Variants in CACNB2 observed in about 807,000 individuals in gnomAD.
CACNB2 encodes calcium voltage-gated channel auxiliary subunit beta 2.
Under a neutral mutation model 73.3 loss-of-function variants are expected in CACNB2, and 42 were observed. That is an observed-to-expected ratio of 0.57 (90% CI 0.45 to 0.74). CACNB2 has a LOEUF of 0.74. CACNB2 is among the 30% of genes least tolerant of loss of function. The pLI is 0.00. For missense variants in CACNB2, 940 were observed against 853.0 expected (o/e 1.10, Z -1.27); for synonymous variants, 348 against 310.3 (o/e 1.12, Z -1.28).
chr10:18,302,443 A>G (rs1444376239), intron 2 of CACNB2, among the ~76,000 whole-genome samples: 3 of 152,198 alleles, frequency 2.0e-5, no homozygotes, highest in African/African-American at 7.2e-5. Context: ...TGTGGAACCA[A>G]CCCAAATGCC....
chr10:18,235,716 G>T (rs1338623750), intron 2 of CACNB2, among the ~76,000 whole-genome samples: 1 of 152,124 alleles, frequency 6.6e-6, no homozygotes, highest in Non-Finnish European at 1.5e-5. Context: ...CCTCAGAGCT[G>T]CCCTAGAGCT....
intron 2 of CACNB2, among the ~76,000 whole-genome samples, chr10:18,283,100 T>C (rs1431489257): frequency 6.6e-6 from 1 of 152,084 alleles, no homozygotes; most frequent in Non-Finnish European, 1.5e-5. Flanking sequence ...TCAGAGAAAT[T>C]CAAATCAAAA....
intron 2 of CACNB2, among the ~76,000 whole-genome samples, chr10:18,398,369 G>A (rs903591470): frequency 2.0e-4 from 31 of 151,958 alleles, no homozygotes; most frequent in Non-Finnish European, 4.3e-4. Flanking sequence ...CTTCTATAAC[G>A]AAAAATATTT....
At chr10:18,174,038 G>T (rs991935385) in intron 2 of CACNB2, among the ~76,000 whole-genome samples, 2 of 152,096 alleles carry the variant, frequency 1.3e-5, no homozygotes, top group East Asian at 3.9e-4. Context: ...TCTGTAAGAG[G>T]TAATAGAAAC....
At chr10:18,270,715 C>T (rs867376099) in intron 2 of CACNB2, among the ~76,000 whole-genome samples, 4 of 152,106 alleles carry the variant, frequency 2.6e-5, no homozygotes, top group African/African-American at 9.7e-5. Context: ...TCCCTGGTCT[C>T]GGTTAGGTAT....
intron 3 of CACNB2, among the ~76,000 whole-genome samples, chr10:18,415,263 G>C (rs1034176048): frequency 6.6e-6 from 1 of 152,122 alleles, no homozygotes; most frequent in African/African-American, 2.4e-5. Context: ...CCAGGAGTTT[G>C]AGATCAGCTT....
intron 3 of CACNB2, among the ~76,000 whole-genome samples, chr10:18,413,919 G>A (rs1472121664): frequency 6.6e-6 from 1 of 152,260 alleles, no homozygotes; most frequent in Non-Finnish European, 1.5e-5. Context: ...CCGTGGAGCA[G>A]TTCAGGGTGT....
At chr10:18,427,728 C>T (rs1286806635) in intron 3 of CACNB2, among the ~76,000 whole-genome samples, 1 of 152,072 alleles carries the variant, frequency 6.6e-6, no homozygotes, top group East Asian at 1.9e-4. Context: ...AGTTCTTTTT[C>T]TATCTCATCT....
intron 2 of CACNB2, among the ~76,000 whole-genome samples, chr10:18,356,946 T>TTTTTTC (rs2041939698): frequency 1.1e-5 from 1 of 88,316 alleles, no homozygotes; most frequent in South Asian, 3.9e-4. Flanking sequence ...CAATTTCTTT[T>TTTTTTC]TTTTTTTTTT....
At chr10:18,157,779 C>A (rs1000965785) in intron 2 of CACNB2, among the ~76,000 whole-genome samples, 1 of 152,172 alleles carries the variant, frequency 6.6e-6, no homozygotes, top group African/African-American at 2.4e-5. Flanking sequence ...CAATTTCATT[C>A]TTTCATCTAA....
intron 2 of CACNB2, among the ~76,000 whole-genome samples, chr10:18,381,556 C>T (rs1673443387): frequency 6.6e-6 from 1 of 151,826 alleles, no homozygotes; most frequent in Non-Finnish European, 1.5e-5. Flanking sequence ...GGCGTGATGG[C>T]GTGCACCTGT....
chr10:18,285,546 C>T (rs193173977), intron 2 of CACNB2, among the ~76,000 whole-genome samples: 7 of 152,334 alleles, frequency 4.6e-5, no homozygotes, highest in Admixed American at 2.0e-4. Context: ...AGCTATCTGA[C>T]TGTTACCATG....
chr10:18,389,300 CTCATTTTTAAA>C (rs2043364842), intron 2 of CACNB2, among the ~76,000 whole-genome samples: 1 of 152,120 alleles, frequency 6.6e-6, no homozygotes, highest in Non-Finnish European at 1.5e-5. Context: ...CCATGCCTGG[CTCATTTTTAAA>C]ATGTTTTTGT....
Position 18,534,184 on chromosome 10 carries a change from C to T in CACNB2, c.1163C>T (p.Ser388Phe), listed in dbSNP as rs768917059. The change falls in exon 11 of 14, where the codon TCC (serine) becomes TTC (phenylalanine). Residue 388 changes from serine to phenylalanine, a missense_variant. Ser to Phe is a radical substitution (Grantham distance 155). Transcript: ENST00000324631. ...CATCCAGCTCAACTCAGTAAAACCT[C>T]CTTGGCCCCTATTATAGTATATGTA... ...INHPAQLSKT[S>F]LAPIIVYVKI... 2 of 1,613,640 alleles carry T rather than the reference C, an allele frequency of 1.2e-6. No homozygotes were observed. Among genetic ancestry groups the T allele is most frequent in the Non-Finnish European group, 1.7e-6 (2 of 1,179,560 alleles).
chr10:18,432,835 A>AAAACAAACAAAC (rs71402166), intron 3 of CACNB2, among the ~76,000 whole-genome samples: 20 of 150,908 alleles, frequency 1.3e-4, no homozygotes, highest in Admixed American at 4.0e-4. Flanking sequence ...CCTGTCTAAA[A>AAAACAAACAAAC]AAACAAACAA....
intron 2 of CACNB2, among the ~76,000 whole-genome samples, chr10:18,242,114 T>A (rs1450024657): frequency 9.9e-5 from 15 of 151,716 alleles, no homozygotes; most frequent in Admixed American, 8.5e-4. Context: ...TGTATACATG[T>A]GTGTGTGTGT....
At chr10:18,290,717 G>T (rs1283837571) in intron 2 of CACNB2, among the ~76,000 whole-genome samples, 1 of 152,190 alleles carries the variant, frequency 6.6e-6, no homozygotes, top group African/African-American at 2.4e-5. Flanking sequence ...GCTTCACTCC[G>T]GTGAAGAGAA....
intron 9 of CACNB2, among the ~76,000 whole-genome samples, chr10:18,526,134 G>A (rs185946710): frequency 6.6e-6 from 1 of 152,216 alleles, no homozygotes; most frequent in East Asian, 1.9e-4. Flanking sequence ...TCTGTGTATG[G>A]CAATCTTGCT....
At chr10:18,253,348 A>G (rs778059277) in intron 2 of CACNB2, among the ~76,000 whole-genome samples, 18 of 152,344 alleles carry the variant, frequency 1.2e-4, no homozygotes, top group Non-Finnish European at 2.2e-4. Flanking sequence ...ATGAATTTTA[A>G]TAAAAATATA....
Sources: gnomAD v4.1 joint callset for allele counts (sites outside exome capture counted in the v4.1 genomes callset) on GRCh38, gnomAD v4.1.1 for gene constraint, MANE v1.5 for transcripts, NCBI Gene and HGNC (gene_info 2026-07-23, HGNC 2026-07-21) for gene names.